The following GXYLT1 variants were observed in gnomAD, a reference collection of about 807,000 sequenced individuals.
GXYLT1 encodes the protein glycosyltransferase 8 domain containing 3.
In GXYLT1, 29 loss-of-function variants were observed where a neutral mutation model predicts 54.0. The ratio of observed to expected loss-of-function variants is 0.54; its 90% confidence interval spans 0.40 to 0.73. GXYLT1 has a LOEUF of 0.73. Among genes scored for constraint, GXYLT1 ranks in the 30% least tolerant of loss-of-function variants. GXYLT1 has a pLI of 0.00. For synonymous variants in GXYLT1, 176 were observed against 204.1 expected (o/e 0.86, Z 1.17); for missense variants, 490 against 553.4 (o/e 0.89, Z 1.15).
rs1236846656 is a variant in GXYLT1 at position 42,085,393 on chromosome 12, A to C, written c.*2393T>G. 1 of 152,300 alleles carries C rather than the reference A, an allele frequency of 6.6e-6. No individual in the cohort carries two copies. The highest frequency in any genetic ancestry group is 1.5e-5 in the Non-Finnish European group (1 of 68,050). 9.4% of individuals were successfully genotyped at this position (152,300 alleles called of 1,614,324 possible). On this transcript the variant is annotated 3_prime_UTR_variant, in exon 8 of 8. Transcript: ENST00000398675. ...TGTGACCACGCTCTACACAAGTCCC[A>C]ATCAATTAGAGCCCATGGGGCTGAG...
chr12:42,141,165 T>C (rs932356974), intron 1 of GXYLT1, among the ~76,000 whole-genome samples: 2 of 152,182 alleles, frequency 1.3e-5, no homozygotes, highest in East Asian at 3.8e-4. Context: ...TAACACTGAC[T>C]GGTCCACAAA....
At chr12:42,104,801 T>C (rs2065410149) in intron 5 of GXYLT1, among the ~76,000 whole-genome samples, 1 of 152,186 alleles carries the variant, frequency 6.6e-6, no homozygotes, top group Non-Finnish European at 1.5e-5. Context: ...TACATATAAA[T>C]GTACACATAT....
chr12:42,140,569 A>ACGGT (rs1555143464), intron 1 of GXYLT1, among the ~76,000 whole-genome samples: 2 of 151,586 alleles, frequency 1.3e-5, no homozygotes, highest in African/African-American at 4.8e-5. Flanking sequence ...CAAGGTCAAC[A>ACGGT]CAGTAAGTGG....
intron 7 of GXYLT1, among the ~76,000 whole-genome samples, chr12:42,092,243 C>T (rs934693278): frequency 6.6e-6 from 1 of 152,162 alleles, no homozygotes. Context: ...TTTCTCCTGA[C>T]CCCCACATTT....
At chr12:42,124,424 C>G (rs928988931) in intron 2 of GXYLT1, among the ~76,000 whole-genome samples, 1 of 151,738 alleles carries the variant, frequency 6.6e-6, no homozygotes. Context: ...AATGGCAAAA[C>G]CGAACATATT....
chr12:42,116,371 A>G (rs2136902592), intron 3 of GXYLT1, among the ~76,000 whole-genome samples: 1 of 152,354 alleles, frequency 6.6e-6, no homozygotes, highest in East Asian at 1.9e-4. Flanking sequence ...AAATTTTTGC[A>G]AGCTACTCAT....
At chr12:42,111,038 T>C (rs1345806107) in intron 3 of GXYLT1, among the ~76,000 whole-genome samples, 1 of 152,230 alleles carries the variant, frequency 6.6e-6, no homozygotes, top group Non-Finnish European at 1.5e-5. Context: ...ATAAATGTTT[T>C]ACTTTTCTAT....
chr12:42,112,269 C>T (rs562258835), intron 3 of GXYLT1, among the ~76,000 whole-genome samples: 1 of 152,288 alleles, frequency 6.6e-6, no homozygotes, highest in South Asian at 2.1e-4. Context: ...CAGCTCCTCA[C>T]CAGCAATGGA....
At chr12:42,138,040 G>A (rs1315637267) in intron 1 of GXYLT1, among the ~76,000 whole-genome samples, 3 of 152,142 alleles carry the variant, frequency 2.0e-5, no homozygotes, top group African/African-American at 7.2e-5. Context: ...GTCTGAGGCA[G>A]GCAGATCACC....
chr12:42,126,088 T>TTG (rs1467020783), intron 2 of GXYLT1, among the ~76,000 whole-genome samples: 1 of 151,466 alleles, frequency 6.6e-6, no homozygotes, highest in Admixed American at 6.6e-5. Context: ...TTTTTTTTTT[T>TTG]TTTGAGACAG....
At chr12:42,135,794 T>C (rs920180958) in intron 1 of GXYLT1, among the ~76,000 whole-genome samples, 5 of 152,170 alleles carry the variant, frequency 3.3e-5, no homozygotes, top group South Asian at 2.1e-4. Context: ...ACTGGGGGAC[T>C]GAGGAGTGCA....
chr12:42,136,492 CACTGTGGATCAAACTGAAATA>C (rs1304926528), intron 1 of GXYLT1, among the ~76,000 whole-genome samples: 1 of 152,148 alleles, frequency 6.6e-6, no homozygotes, highest in African/African-American at 2.4e-5. Context: ...GGAACTTTTT[CACTGTGGATCAAACTGAAATA>C]AAATGTTACT....
rs374749531 is a variant in GXYLT1 at position 42,097,540 on chromosome 12, C to T, written c.1063G>A (p.Ala355Thr). 49 of 1,612,164 alleles carry T rather than the reference C, an allele frequency of 3.0e-5. No individual in the cohort carries two copies. In the African/African-American group the frequency reaches 5.2e-4, roughly 17 times the overall value. ...AGAATAAAGATTCCTCCTTCTTCTGCTTCTTGGCAATTGCTTCCATATATA... is the reference window on the plus strand; with the variant it reads ...AGAATAAAGATTCCTCCTTCTTCTGTTTCTTGGCAATTGCTTCCATATATA... ...HCIYGSNCQE[A>T]EEGGIFILHG... Residue 355 changes from alanine (A) to threonine (T), a missense_variant, in exon 7 of 8, where the codon GCA (alanine) becomes ACA (threonine). Ala to Thr is a moderately conservative substitution (Grantham distance 58, BLOSUM62 0). Transcript: ENST00000398675.
At chr12:42,111,515 C>T (rs947054687) in intron 3 of GXYLT1, among the ~76,000 whole-genome samples, 2 of 152,228 alleles carry the variant, frequency 1.3e-5, no homozygotes, top group Non-Finnish European at 2.9e-5. Flanking sequence ...CCTATGCCCA[C>T]GGAGTCTGGC....
intron 5 of GXYLT1, among the ~76,000 whole-genome samples, chr12:42,105,140 G>A (rs1002848817): frequency 6.6e-6 from 1 of 152,198 alleles, no homozygotes; most frequent in Non-Finnish European, 1.5e-5. Flanking sequence ...AAACTACAGT[G>A]ACTTGCAACT....
At chr12:42,124,742 G>A (rs1024746412) in intron 2 of GXYLT1, among the ~76,000 whole-genome samples, 1 of 152,190 alleles carries the variant, frequency 6.6e-6, no homozygotes, top group African/African-American at 2.4e-5. Flanking sequence ...TATGGGCACT[G>A]GGGTAGGCAA....
chr12:42,087,497 G>A lies in GXYLT1; in HGVS notation c.*289C>T, dbSNP rs933792161. 2 of 274,748 alleles carry A rather than the reference G, an allele frequency of 7.3e-6. No individual in the cohort carries two copies. Among genetic ancestry groups the A allele is most frequent in the African/African-American group, 4.6e-5 (2 of 43,260 alleles). 17.0% of individuals were successfully genotyped at this position (274,748 alleles called of 1,614,324 possible). A position where few individuals can be genotyped will look rare whatever the true frequency, so the allele number is the denominator to read the frequency against. On this transcript the variant is annotated 3_prime_UTR_variant, in exon 8 of 8. Transcript: ENST00000398675. ...ACCCCTACCACTCTTGAGAGTATGA[G>A]TCAACAGAAGTCTGCAGGTTAAACC...
At chr12:42,117,287 A>C (rs2065501754) in intron 3 of GXYLT1, among the ~76,000 whole-genome samples, 1 of 151,912 alleles carries the variant, frequency 6.6e-6, no homozygotes, top group Non-Finnish European at 1.5e-5. Context: ...ATAATAATAA[A>C]ATTTAAAAAA....
chr12:42,131,418 T>C (rs1381122485), intron 1 of GXYLT1, among the ~76,000 whole-genome samples: 3 of 152,220 alleles, frequency 2.0e-5, no homozygotes, highest in Non-Finnish European at 1.5e-5. Context: ...TTAGCCCTGG[T>C]AGAGGGTGCC....
Sources: allele counts gnomAD v4.1 joint callset (sites outside exome capture counted in the v4.1 genomes callset), GRCh38; gene constraint gnomAD v4.1.1; transcripts MANE v1.5; gene names NCBI Gene and HGNC (gene_info 2026-07-23, HGNC 2026-07-21).